The following HS6ST3 variants were observed in gnomAD, a reference collection of about 807,000 sequenced individuals.
The protein encoded by HS6ST3 is heparan-sulfate 6-O-sulfotransferase 3.
In HS6ST3, 12 loss-of-function variants were observed where a neutral mutation model predicts 36.7. That is an observed-to-expected ratio of 0.33 (90% CI 0.21 to 0.53). The LOEUF (loss-of-function observed/expected upper bound fraction) is 0.53. Ranked by LOEUF, HS6ST3 falls within the 20% of genes least tolerant of loss-of-function variation. The pLI, the probability that HS6ST3 is intolerant of heterozygous loss-of-function variation, is 0.95. For missense variants in HS6ST3, 584 were observed against 640.9 expected, an observed-to-expected ratio of 0.91 and a Z score of 0.96; for synonymous variants, 240 against 257.5, an observed-to-expected ratio of 0.93 and a Z score of 0.65.
chr13:96,327,495 T>C (rs1254930527), intron 1 of HS6ST3, among the ~76,000 whole-genome samples: 3 of 152,028 alleles, frequency 2.0e-5, no homozygotes, highest in Non-Finnish European at 2.9e-5. Context: ...GTTGTAGATA[T>C]GTGGCGTTAT....
At chr13:96,417,600 G>C (rs1023494781) in intron 1 of HS6ST3, among the ~76,000 whole-genome samples, 2 of 149,138 alleles carry the variant, frequency 1.3e-5, no homozygotes, top group East Asian at 3.9e-4. Flanking sequence ...ATGTGTGTGT[G>C]TGTGTGTGTG....
At chr13:96,291,738 G>A (rs570966556) in intron 1 of HS6ST3, among the ~76,000 whole-genome samples, 1 of 152,256 alleles carries the variant, frequency 6.6e-6, no homozygotes, top group East Asian at 1.9e-4. Context: ...AAAAAGAAGT[G>A]CTGCTAGCAA....
chr13:96,819,264 C>T (rs1442305737), intron 1 of HS6ST3, among the ~76,000 whole-genome samples: 1 of 152,126 alleles, frequency 6.6e-6, no homozygotes, highest in African/African-American at 2.4e-5. Context: ...TCAGTGGCCA[C>T]TGCCATCAGA....
intron 1 of HS6ST3, among the ~76,000 whole-genome samples, chr13:96,417,590 ATG>A (rs148288275): frequency 0.35 from 48,688 of 139,740 alleles, 8,309 homozygotes; most frequent in South Asian, 0.43. Context: ...GCATATATAT[ATG>A]TGTGTGTGTG....
chr13:96,633,901 A>G (rs1346079332), intron 1 of HS6ST3, among the ~76,000 whole-genome samples: 1 of 152,046 alleles, frequency 6.6e-6, no homozygotes, highest in African/African-American at 2.4e-5. Flanking sequence ...TTAAGATTAA[A>G]CCTTGTCACA....
intron 1 of HS6ST3, among the ~76,000 whole-genome samples, chr13:96,372,655 T>C (rs1294732379): frequency 1.3e-5 from 2 of 152,242 alleles, no homozygotes; most frequent in African/African-American, 4.8e-5. Context: ...GGGTTGATTT[T>C]TGTGTATAGT....
chr13:96,570,758 A>T (rs765152070), intron 1 of HS6ST3, among the ~76,000 whole-genome samples: 5 of 152,196 alleles, frequency 3.3e-5, no homozygotes, highest in Admixed American at 3.3e-4. Context: ...TAACACAGTG[A>T]CTCTGCCCAT....
chr13:96,767,395 T>C (rs1041991528), intron 1 of HS6ST3, among the ~76,000 whole-genome samples: 2 of 152,186 alleles, frequency 1.3e-5, no homozygotes, highest in Non-Finnish European at 2.9e-5. Flanking sequence ...ATCAAAGCTC[T>C]CCTACCTTGT....
At chr13:96,296,810 A>C (rs761319941) in intron 1 of HS6ST3, among the ~76,000 whole-genome samples, 3 of 152,124 alleles carry the variant, frequency 2.0e-5, no homozygotes, top group Non-Finnish European at 2.9e-5. Flanking sequence ...TACCAGGAAC[A>C]TTTCCACCAA....
At chr13:96,210,888 C>A (rs766618910) in intron 1 of HS6ST3, among the ~76,000 whole-genome samples, 14 of 151,762 alleles carry the variant, frequency 9.2e-5, no homozygotes. Flanking sequence ...GTCCCCACAC[C>A]CAGCCAGTGT....
intron 1 of HS6ST3, among the ~76,000 whole-genome samples, chr13:96,212,801 G>C (rs746523327): frequency 6.6e-6 from 1 of 152,282 alleles, no homozygotes; most frequent in Admixed American, 6.5e-5. Context: ...ATATGGGTTT[G>C]CTGCTTCAGT....
chr13:96,148,361 T>G (rs150685371), intron 1 of HS6ST3, among the ~76,000 whole-genome samples: 435 of 152,306 alleles, frequency 2.9e-3, no homozygotes, highest in Non-Finnish European at 3.5e-3. Context: ...AGTCAATTAA[T>G]TCAAAGGTGG....
At chr13:96,713,753 GA>G (rs1310710966) in intron 1 of HS6ST3, among the ~76,000 whole-genome samples, 2 of 151,924 alleles carry the variant, frequency 1.3e-5, no homozygotes, top group Non-Finnish European at 2.9e-5. Context: ...TCTTTAGAGT[GA>G]AAAATTACAA....
intron 1 of HS6ST3, among the ~76,000 whole-genome samples, chr13:96,258,659 C>T (rs937351365): frequency 1.3e-5 from 2 of 152,152 alleles, no homozygotes; most frequent in African/African-American, 4.8e-5. Flanking sequence ...CTTGGTCATA[C>T]AGATCAATGC....
chr13:96,281,347 G>C (rs923113928), intron 1 of HS6ST3, among the ~76,000 whole-genome samples: 7 of 152,102 alleles, frequency 4.6e-5, no homozygotes, highest in Admixed American at 3.3e-4. Flanking sequence ...TTTGAGCTCT[G>C]TAAAGAAAAT....
intron 1 of HS6ST3, among the ~76,000 whole-genome samples, chr13:96,723,352 A>C (rs1217899358): frequency 6.6e-6 from 1 of 151,906 alleles, no homozygotes; most frequent in African/African-American, 2.4e-5. Flanking sequence ...GTGATGAAGA[A>C]CCTCGCCCTA....
intron 1 of HS6ST3, among the ~76,000 whole-genome samples, chr13:96,670,421 A>G (rs2138430733): frequency 6.6e-6 from 1 of 152,236 alleles, no homozygotes; most frequent in South Asian, 2.1e-4. Context: ...ACAGGGTGAG[A>G]GCAGAGGGGA....
Position 96,204,001 on chromosome 13 carries a change from G to A in HS6ST3, c.707+112432G>A, listed in dbSNP as rs562801470. 2.0e-5 allele frequency among the ~76,000 whole-genome samples: 3 copies of A among 152,072 alleles called. No individual in the cohort carries two copies. In the South Asian group the frequency reaches 6.2e-4, roughly 32 times the overall value. On this transcript the variant is annotated intron_variant, in intron 1 of 1. Coordinates refer to ENST00000376705, the MANE Select transcript of HS6ST3 (RefSeq NM_153456.4). ...GAAGCAAGCTAGCTATTCATCAAAA[G>A]GAAACAAGTTGAATATGTTTTCATA...
chr13:96,799,950 A>G (rs1287757229), intron 1 of HS6ST3, among the ~76,000 whole-genome samples: 4 of 85,694 alleles, frequency 4.7e-5, no homozygotes, highest in Non-Finnish European at 8.8e-5. Flanking sequence ...GTGTGTATAT[A>G]TATATATATA....
Sources: gnomAD v4.1 joint callset for allele counts (sites outside exome capture counted in the v4.1 genomes callset) on GRCh38, gnomAD v4.1.1 for gene constraint, MANE v1.5 for transcripts, NCBI Gene and HGNC (gene_info 2026-07-23, HGNC 2026-07-21) for gene names.